RAB38: variants seen among roughly 807,000 people sequenced by gnomAD.
RAB38 encodes RAB38, member RAS oncogene family.
In RAB38, 15 loss-of-function variants were observed where a neutral mutation model predicts 18.4. The ratio of observed to expected loss-of-function variants is 0.82; its 90% confidence interval spans 0.55 to 1.26. RAB38 has a LOEUF of 1.26. Among genes scored for constraint, RAB38 ranks in the 50% most tolerant of loss-of-function variants. The probability of loss-of-function intolerance (pLI) is 0.00; values close to 1 mark genes in which losing one functional copy is unlikely to be tolerated. For missense variants in RAB38, 294 were observed against 267.4 expected, an observed-to-expected ratio of 1.10 and a Z score of -0.69; for synonymous variants, 101 against 104.4, an observed-to-expected ratio of 0.97 and a Z score of 0.20.
the RAB38 span, among the ~76,000 whole-genome samples, chr11:87,832,721 G>T: frequency 6.6e-6 from 1 of 152,050 alleles, no homozygotes; most frequent in African/African-American, 2.4e-5. Context: ...CTTCCATGTG[G>T]AGAGTGTACT....
the RAB38 span, among the ~76,000 whole-genome samples, chr11:88,051,619 T>A: frequency 6.6e-6 from 1 of 151,602 alleles, no homozygotes; most frequent in Admixed American, 6.6e-5. Context: ...ACAAGGAGAA[T>A]CTCAACTTAC....
At chr11:88,051,857 C>G in the RAB38 span, among the ~76,000 whole-genome samples, 12 of 152,298 alleles carry the variant, frequency 7.9e-5, no homozygotes, top group South Asian at 2.5e-3. Context: ...GGCGCAGTGG[C>G]TCATGCCTGT....
At chr11:88,158,053 A>C (rs1312118339) in intron 1 of RAB38, among the ~76,000 whole-genome samples, 2 of 152,158 alleles carry the variant, frequency 1.3e-5, no homozygotes, top group Non-Finnish European at 2.9e-5. Context: ...AAAGAAAAAA[A>C]GGGAGAAGAT....
downstream of RAB38, among the ~76,000 whole-genome samples, chr11:88,112,771 TCAACAA>T (rs577913993): frequency 6.7e-6 from 1 of 149,236 alleles, no homozygotes; most frequent in Non-Finnish European, 1.5e-5. Flanking sequence ...AGACTCCGTC[TCAACAA>T]CAACAACAAC....
chr11:88,034,585 T>C, the RAB38 span, among the ~76,000 whole-genome samples: 15 of 152,238 alleles, frequency 9.9e-5, no homozygotes, highest in African/African-American at 3.4e-4. Flanking sequence ...AATTTGCATG[T>C]CACTAGTGGC....
chr11:88,167,857 A>G (rs1943263842), intron 1 of RAB38, among the ~76,000 whole-genome samples: 1 of 152,162 alleles, frequency 6.6e-6, no homozygotes, highest in Non-Finnish European at 1.5e-5. Context: ...CCTTGCTGGA[A>G]TAAACCTGAT....
the RAB38 span, among the ~76,000 whole-genome samples, chr11:88,023,796 A>C: frequency 1.3e-5 from 2 of 152,166 alleles, no homozygotes; most frequent in Admixed American, 1.3e-4. Context: ...CATCAGAAAA[A>C]ATACAATCTC....
At chr11:88,065,677 T>C in the RAB38 span, among the ~76,000 whole-genome samples, 2 of 152,228 alleles carry the variant, frequency 1.3e-5, no homozygotes, top group Non-Finnish European at 2.9e-5. Context: ...GTTTTATTAC[T>C]CTACAAATGC....
At chr11:87,846,091 A>G in the RAB38 span, among the ~76,000 whole-genome samples, 1 of 152,014 alleles carries the variant, frequency 6.6e-6, no homozygotes, top group Non-Finnish European at 1.5e-5. Flanking sequence ...AACCACTTAA[A>G]TCAAATCAAA....
the RAB38 span, among the ~76,000 whole-genome samples, chr11:87,955,944 A>C: frequency 4.5e-4 from 69 of 152,068 alleles, 1 homozygote; most frequent in South Asian, 0.014. Flanking sequence ...TTCTCTTAAC[A>C]AGACATGTCA....
At chr11:88,008,325 A>C in the RAB38 span, among the ~76,000 whole-genome samples, 2 of 152,222 alleles carry the variant, frequency 1.3e-5, no homozygotes, top group Non-Finnish European at 2.9e-5. Context: ...AATCGAGACA[A>C]TAATGAGTCG....
chr11:87,975,527 G>A, the RAB38 span, among the ~76,000 whole-genome samples: 15 of 151,736 alleles, frequency 9.9e-5, no homozygotes, highest in African/African-American at 3.4e-4. Flanking sequence ...GTAAATATAC[G>A]GGTAATTATG....
the RAB38 span, among the ~76,000 whole-genome samples, chr11:88,089,098 A>T: frequency 6.6e-6 from 1 of 152,094 alleles, no homozygotes; most frequent in South Asian, 2.1e-4. Flanking sequence ...TACAAGAAAC[A>T]TTTCTGATAA....
intron 2 of RAB38, among the ~76,000 whole-genome samples, chr11:88,121,389 T>TG (rs1312728862): frequency 2.0e-5 from 3 of 152,176 alleles, no homozygotes; most frequent in Non-Finnish European, 4.4e-5. Flanking sequence ...CAAAATCAGG[T>TG]GGGGAAACAG....
chr11:87,959,242 G>C, the RAB38 span, among the ~76,000 whole-genome samples: 2 of 152,064 alleles, frequency 1.3e-5, no homozygotes, highest in Non-Finnish European at 2.9e-5. Context: ...GTGATTAAGG[G>C]AATCAAAATG....
chr11:88,032,262 A>C, the RAB38 span, among the ~76,000 whole-genome samples: 6 of 152,242 alleles, frequency 3.9e-5, no homozygotes, highest in Non-Finnish European at 5.9e-5. Flanking sequence ...TGTTAGACCT[A>C]AAACCATAAC....
the RAB38 span, among the ~76,000 whole-genome samples, chr11:88,025,214 G>C: frequency 6.7e-6 from 1 of 150,218 alleles, no homozygotes; most frequent in African/African-American, 2.4e-5. Context: ...TAATTATATT[G>C]TGTATATAAC....
At chr11:87,977,558 A>T in the RAB38 span, among the ~76,000 whole-genome samples, 2 of 117,778 alleles carry the variant, frequency 1.7e-5, no homozygotes, top group African/African-American at 3.4e-5. Flanking sequence ...TAATATAATT[A>T]TATAATATAC....
chr11:87,950,967 A>ATCC, the RAB38 span, among the ~76,000 whole-genome samples: 1 of 152,162 alleles, frequency 6.6e-6, no homozygotes, highest in East Asian at 1.9e-4. Context: ...CCTGGATAAT[A>ATCC]TCCTGCAGAG....
Sources: allele counts gnomAD v4.1 joint callset (sites outside exome capture counted in the v4.1 genomes callset), GRCh38; gene constraint gnomAD v4.1.1; transcripts MANE v1.5; gene names NCBI Gene and HGNC (gene_info 2026-07-23, HGNC 2026-07-21).